The following LARGE1 variants were observed in gnomAD, a reference collection of about 807,000 sequenced individuals.
The protein encoded by LARGE1 is LARGE xylosyl- and glucuronyltransferase 1, also known as xylosyl- and glucuronyltransferase LARGE1.
LARGE1 carries 43 observed loss-of-function variants against 87.6 expected under a neutral mutation model. The observed-to-expected ratio is 0.49, with a 90% CI of 0.38 to 0.63. The LOEUF is 0.63. Among genes scored for constraint, LARGE1 ranks in the 30% least tolerant of loss-of-function variants. LARGE1 has a pLI of 0.00. For missense variants in LARGE1, 802 were observed against 1,000.2 expected (o/e 0.80, Z 2.67); for synonymous variants, 434 against 394.6 (o/e 1.10, Z -1.18).
At chr22:33,497,073 T>C (rs2070169873) in intron 6 of LARGE1, among the ~76,000 whole-genome samples, 1 of 146,252 alleles carries the variant, frequency 6.8e-6, no homozygotes, top group African/African-American at 2.5e-5. Flanking sequence ...TTTCTTTTCT[T>C]TTTTTTTTTT....
chr22:33,640,529 G>A (rs2080396079), intron 3 of LARGE1, among the ~76,000 whole-genome samples: 1 of 152,166 alleles, frequency 6.6e-6, no homozygotes, highest in Non-Finnish European at 1.5e-5. Context: ...CACCCAGCTA[G>A]CTGCAGGAGT....
At chr22:33,547,793 CAAAAAAAAAAAAA>C (rs57220257) in intron 6 of LARGE1, among the ~76,000 whole-genome samples, 2 of 35,726 alleles carry the variant, frequency 5.6e-5, no homozygotes, top group East Asian at 1.7e-3. Context: ...GACTCCATCT[CAAAAAAAAAAAAA>C]AAAAAAAAAA....
intron 6 of LARGE1, among the ~76,000 whole-genome samples, chr22:33,480,564 A>G (rs2069275443): frequency 2.0e-5 from 3 of 152,196 alleles, no homozygotes; most frequent in Admixed American, 1.3e-4. Context: ...TAATGTATAT[A>G]TTCTCCAAGG....
At chr22:33,372,588 A>C (rs1249814945) in intron 9 of LARGE1, among the ~76,000 whole-genome samples, 1 of 152,160 alleles carries the variant, frequency 6.6e-6, no homozygotes, top group Non-Finnish European at 1.5e-5. Context: ...AGACCTATTT[A>C]CTACCATGAG....
At chr22:33,319,715 C>T (rs1214674179) in intron 10 of LARGE1, among the ~76,000 whole-genome samples, 1 of 152,048 alleles carries the variant, frequency 6.6e-6, no homozygotes, top group Non-Finnish European at 1.5e-5. Context: ...TTCTTGAAGG[C>T]CACTGAGATC....
intron 7 of LARGE1, among the ~76,000 whole-genome samples, chr22:33,401,155 C>T (rs2065914689): frequency 6.6e-6 from 1 of 152,160 alleles, no homozygotes; most frequent in African/African-American, 2.4e-5. Context: ...CTCCATGGTT[C>T]AAGCCTTCAG....
intron 2 of LARGE1, among the ~76,000 whole-genome samples, chr22:33,653,438 G>A (rs868177113): frequency 2.2e-4 from 34 of 152,284 alleles, no homozygotes; most frequent in African/African-American, 8.2e-4. Flanking sequence ...CTCAGGAAAG[G>A]ATTTTGGAGC....
At chr22:33,906,636 C>T (rs1050019937) in intron 1 of LARGE1, among the ~76,000 whole-genome samples, 19 of 152,280 alleles carry the variant, frequency 1.2e-4, no homozygotes, top group African/African-American at 4.3e-4. Flanking sequence ...TCTCTCTTAA[C>T]TGTCAGAGCC....
intron 2 of LARGE1, among the ~76,000 whole-genome samples, chr22:33,675,311 AAAAAAAAG>A (rs2081540991): frequency 6.8e-6 from 1 of 146,958 alleles, no homozygotes; most frequent in East Asian, 2.2e-4. Flanking sequence ...AAAAAAAAAA[AAAAAAAAG>A]AACACAAGAG....
chr22:33,221,371 A>G (rs1224315673), intron 11 of LARGE1, among the ~76,000 whole-genome samples: 2 of 152,164 alleles, frequency 1.3e-5, no homozygotes, highest in Admixed American at 1.3e-4. Flanking sequence ...GCAAGGGACC[A>G]CCTGCTGAGT....
intron 2 of LARGE1, among the ~76,000 whole-genome samples, chr22:33,683,271 G>C (rs2081837548): frequency 6.6e-6 from 1 of 152,212 alleles, no homozygotes; most frequent in African/African-American, 2.4e-5. Flanking sequence ...TTGAAGATCT[G>C]AGTAGAATAA....
chr22:33,154,957 A>C, the LARGE1 span, among the ~76,000 whole-genome samples: 3 of 152,104 alleles, frequency 2.0e-5, no homozygotes, highest in African/African-American at 7.2e-5. Flanking sequence ...TAAAAATGGG[A>C]GTTTCCCTGC....
intron 6 of LARGE1, among the ~76,000 whole-genome samples, chr22:33,559,732 CAT>C (rs1207622078): frequency 8.5e-5 from 13 of 152,186 alleles, no homozygotes; most frequent in African/African-American, 2.9e-4. Flanking sequence ...ATTCTCTGGA[CAT>C]GCTGAGTCTC....
At chr22:33,854,304 T>C (rs147372964) in intron 1 of LARGE1, among the ~76,000 whole-genome samples, 62 of 149,004 alleles carry the variant, frequency 4.2e-4, no homozygotes, top group African/African-American at 1.5e-3. Context: ...ATAAAACAAA[T>C]TCTAAAATAA....
At chr22:33,557,025 G>A (rs1434390281) in intron 6 of LARGE1, among the ~76,000 whole-genome samples, 1 of 151,988 alleles carries the variant, frequency 6.6e-6, no homozygotes, top group Non-Finnish European at 1.5e-5. Context: ...ACAACCCTGA[G>A]ACATACAAAG....
intron 2 of LARGE1, among the ~76,000 whole-genome samples, chr22:33,703,570 A>AT (rs1323614362): frequency 1.3e-5 from 2 of 152,198 alleles, no homozygotes; most frequent in Non-Finnish European, 2.9e-5. Context: ...AAAGGTCCTT[A>AT]TAAGAGAGAT....
intron 2 of LARGE1, among the ~76,000 whole-genome samples, chr22:33,708,370 G>A (rs180743928): frequency 1.4e-4 from 22 of 152,224 alleles, no homozygotes; most frequent in African/African-American, 5.1e-4. Flanking sequence ...TGCGTAGACA[G>A]AGACCCTCAT....
chr22:33,183,636 A>ACACACACACGCACG (rs1555880701), intron 11 of LARGE1, among the ~76,000 whole-genome samples: 7 of 150,146 alleles, frequency 4.7e-5, no homozygotes, highest in South Asian at 2.1e-4. Flanking sequence ...ACACACACAC[A>ACACACACACGCACG]CACACACACA....
chr22:33,680,487 A>C (rs1417423117), intron 2 of LARGE1, among the ~76,000 whole-genome samples: 1 of 150,068 alleles, frequency 6.7e-6, no homozygotes, highest in Admixed American at 6.6e-5. Context: ...GAGACCTTTG[A>C]TGCACAAATT....
Sources: allele counts gnomAD v4.1 joint callset (sites outside exome capture counted in the v4.1 genomes callset), GRCh38; gene constraint gnomAD v4.1.1; transcripts MANE v1.5; gene names NCBI Gene and HGNC (gene_info 2026-07-23, HGNC 2026-07-21).